Variants in NT5M observed in about 807,000 individuals in gnomAD.
The protein encoded by NT5M is 5',3'-nucleotidase, mitochondrial, also known as 5'(3')-deoxyribonucleotidase, mitochondrial.
In NT5M, 22 loss-of-function variants were observed where a neutral mutation model predicts 22.2. The observed-to-expected ratio is 0.99, with a 90% CI of 0.71 to 1.41. The LOEUF (loss-of-function observed/expected upper bound fraction) is 1.41, where lower values mean the gene tolerates loss of function less well. Ranked by LOEUF, NT5M falls within the 40% of genes most tolerant of loss-of-function variation. The probability of loss-of-function intolerance (pLI) is 0.00; values close to 1 mark genes in which losing one functional copy is unlikely to be tolerated. For missense variants in NT5M, 322 were observed against 314.8 expected, an observed-to-expected ratio of 1.02 and a Z score of -0.17; for synonymous variants, 167 against 133.0, an observed-to-expected ratio of 1.26 and a Z score of -1.76.
At chr17:17,321,927 G>A (rs185309456) in intron 2 of NT5M, among the ~76,000 whole-genome samples, 35 of 152,040 alleles carry the variant, frequency 2.3e-4, no homozygotes, top group African/African-American at 5.5e-4. Flanking sequence ...AGCCTGAGAC[G>A]AGGTTTTGGG....
intron 3 of NT5M, 140 bp downstream of exon 3, chr17:17,323,385 G>A: frequency 1.3e-6 from 1 of 749,210 alleles, no homozygotes; most frequent in Non-Finnish European, 2.4e-6. Flanking sequence ...TGCTCCCCAA[G>A]GACCTCTCCA....
At chr17:17,328,366 C>T (rs1041242755) in intron 3 of NT5M, among the ~76,000 whole-genome samples, 1 of 152,164 alleles carries the variant, frequency 6.6e-6, no homozygotes, top group Admixed American at 6.5e-5. Flanking sequence ...CCACCTTTAA[C>T]CCTAGAACTA....
intron 1 of NT5M, among the ~76,000 whole-genome samples, chr17:17,306,269 A>G (rs529540639): frequency 2.0e-5 from 3 of 152,194 alleles, no homozygotes; most frequent in Non-Finnish European, 4.4e-5. Context: ...GATTGGCCTC[A>G]GGTCCCAGAG....
At chr17:17,321,139 G>T (rs2049143159) in intron 2 of NT5M, among the ~76,000 whole-genome samples, 1 of 152,052 alleles carries the variant, frequency 6.6e-6, no homozygotes, top group Non-Finnish European at 1.5e-5. Context: ...GAGGAGTCAT[G>T]GAGGAGGATA....
At chr17:17,307,468 G>A (rs1248810993) in intron 2 of NT5M, among the ~76,000 whole-genome samples, 2 of 150,162 alleles carry the variant, frequency 1.3e-5, no homozygotes, top group Non-Finnish European at 3.0e-5. Context: ...AGCCGGGCGC[G>A]GTGGCTCACG....
At chr17:17,336,967 G>C (rs1389530723) in intron 3 of NT5M, among the ~76,000 whole-genome samples, 1 of 152,180 alleles carries the variant, frequency 6.6e-6, no homozygotes, top group African/African-American at 2.4e-5. Flanking sequence ...GGGAGTGCGA[G>C]TATCTTTTCC....
chr17:17,312,315 C>T (rs545652872), intron 2 of NT5M, among the ~76,000 whole-genome samples: 2 of 152,262 alleles, frequency 1.3e-5, no homozygotes, highest in South Asian at 2.1e-4. Flanking sequence ...TGTGACACTG[C>T]ATTGGGGTAG....
chr17:17,315,860 T>C (rs778649714), intron 2 of NT5M, among the ~76,000 whole-genome samples: 13 of 151,064 alleles, frequency 8.6e-5, no homozygotes, highest in Admixed American at 1.3e-4. Flanking sequence ...GTTCATGCTG[T>C]TCTGCCTCAG....
chr17:17,336,000 C>CTTTTTTTTTT (rs1167144502), intron 3 of NT5M, among the ~76,000 whole-genome samples: 1 of 98,918 alleles, frequency 1.0e-5, no homozygotes, highest in Non-Finnish European at 2.0e-5. Flanking sequence ...CTTATTCATT[C>CTTTTTTTTTT]TTTTTTTTTT....
At chr17:17,338,249 A>G (rs924564328) in intron 3 of NT5M, among the ~76,000 whole-genome samples, 5 of 151,700 alleles carry the variant, frequency 3.3e-5, no homozygotes, top group Admixed American at 2.0e-4. Flanking sequence ...CGGGAGTACA[A>G]TGGCACCATC....
chr17:17,325,690 C>T (rs534307054), intron 3 of NT5M, among the ~76,000 whole-genome samples: 3 of 152,170 alleles, frequency 2.0e-5, no homozygotes, highest in Admixed American at 6.5e-5. Flanking sequence ...CACATACACC[C>T]TCCTGAGCAT....
At chr17:17,344,754 A>G in intron 3 of NT5M, 40 bp from the exon 4 acceptor site, 1 of 1,605,574 alleles carries the variant, frequency 6.2e-7, no homozygotes, top group Non-Finnish European at 8.5e-7. Context: ...GTCTGATGTC[A>G]CTTTCTTCTC....
intron 2 of NT5M, among the ~76,000 whole-genome samples, chr17:17,308,034 G>A (rs1174458559): frequency 2.7e-5 from 4 of 149,226 alleles, no homozygotes; most frequent in Non-Finnish European, 6.0e-5. Context: ...TGGGCAACAA[G>A]ATTGAAACTC....
At chr17:17,346,694 G>T in intron 4 of NT5M, 111 bp from the exon 5 acceptor site, 4 of 1,345,576 alleles carry the variant, frequency 3.0e-6, no homozygotes, top group Non-Finnish European at 4.1e-6. Flanking sequence ...CTTTACAGAG[G>T]AAACAAGTTT....
chr17:17,317,962 C>CA (rs35320589), intron 2 of NT5M, among the ~76,000 whole-genome samples: 6,031 of 74,030 alleles, frequency 0.081, 523 homozygotes, highest in South Asian at 0.14. Flanking sequence ...ACTCCATGAT[C>CA]AAAAAAAAAA....
intron 2 of NT5M, among the ~76,000 whole-genome samples, chr17:17,309,162 C>T (rs2048872720): frequency 6.9e-6 from 1 of 145,388 alleles, no homozygotes; most frequent in African/African-American, 2.6e-5. Context: ...CTTGCCCTAT[C>T]TCAAAAAGGC....
intron 2 of NT5M, among the ~76,000 whole-genome samples, chr17:17,318,631 C>A (rs1285035619): frequency 2.0e-5 from 3 of 149,910 alleles, no homozygotes; most frequent in African/African-American, 7.4e-5. Context: ...ACTAAAAATA[C>A]AAAATTAGCT....
Position 17,347,111 on chromosome 17 carries a change from C to T in NT5M, c.*164C>T. The T allele has an allele frequency of 1.1e-6, 1 of 922,980 alleles. No homozygotes were observed. The highest frequency in any genetic ancestry group is 1.6e-6 in the Non-Finnish European group (1 of 631,100). The allele number at this position is 922,980 out of a possible 1,614,324, so 57.2% of individuals were successfully genotyped here. A position where few individuals can be genotyped will look rare whatever the true frequency, so the allele number is the denominator to read the frequency against. Reference sequence around the variant, plus strand: ...TTCCCCAGCCCTGCCAGGCCTTAACCTGATCACGGGGCAGGGCTGGGCCCT... The same window carrying T: ...TTCCCCAGCCCTGCCAGGCCTTAACTTGATCACGGGGCAGGGCTGGGCCCT... On this transcript the variant is annotated 3_prime_UTR_variant, in exon 5 of 5. Transcript: ENST00000389022.
chr17:17,315,853 C>T (rs1240309530), intron 2 of NT5M, among the ~76,000 whole-genome samples: 1 of 143,196 alleles, frequency 7.0e-6, no homozygotes, highest in African/African-American at 2.6e-5. Context: ...CTCCCGGGTT[C>T]ATGCTGTTCT....
Sources: allele counts gnomAD v4.1 joint callset (sites outside exome capture counted in the v4.1 genomes callset), GRCh38; gene constraint gnomAD v4.1.1; transcripts MANE v1.5; gene names NCBI Gene and HGNC (gene_info 2026-07-23, HGNC 2026-07-21).